Variants in NPAS3 observed in about 807,000 individuals in gnomAD.
The protein encoded by NPAS3 is neuronal PAS domain protein 3, also known as neuronal PAS domain-containing protein 3.
NPAS3 carries 14 observed loss-of-function variants against 73.1 expected under a neutral mutation model. The ratio of observed to expected loss-of-function variants is 0.19; its 90% CI spans 0.13 to 0.30. The LOEUF (loss-of-function observed/expected upper bound fraction) is 0.30. Ranked by LOEUF, NPAS3 falls within the 10% of genes least tolerant of loss-of-function variation. The pLI is 1.00. For synonymous variants in NPAS3, 620 were observed against 541.5 expected, an observed-to-expected ratio of 1.14 and a Z score of -2.01; for missense variants, 1,096 against 1,250.0, an observed-to-expected ratio of 0.88 and a Z score of 1.86.
At chr14:33,186,260 G>A (rs761486791) in intron 2 of NPAS3, among the ~76,000 whole-genome samples, 5 of 152,168 alleles carry the variant, frequency 3.3e-5, no homozygotes, top group Admixed American at 6.5e-5. Context: ...TTGTGCCTGT[G>A]CACTTGGAGA....
chr14:33,108,705 A>T (rs2042798015), intron 2 of NPAS3, among the ~76,000 whole-genome samples: 1 of 152,190 alleles, frequency 6.6e-6, no homozygotes. Context: ...TATGTGTAAT[A>T]GAGCATTAGA....
chr14:33,005,908 C>T (rs1055851801), intron 1 of NPAS3, among the ~76,000 whole-genome samples: 42 of 152,238 alleles, frequency 2.8e-4, no homozygotes, highest in African/African-American at 8.2e-4. Context: ...ATTATGACAA[C>T]GGTCCTTCCA....
intron 1 of NPAS3, among the ~76,000 whole-genome samples, chr14:32,949,294 T>C (rs938826237): frequency 6.6e-6 from 1 of 152,080 alleles, no homozygotes. Context: ...CTGTGTTCCT[T>C]TTAATAATTA....
chr14:33,037,716 T>A (rs929141756), intron 1 of NPAS3, among the ~76,000 whole-genome samples: 5 of 152,064 alleles, frequency 3.3e-5, no homozygotes, highest in African/African-American at 1.2e-4. Context: ...ATAACAAATG[T>A]TTTCATGAAA....
At chr14:33,303,380 A>G (rs932191597) in intron 3 of NPAS3, among the ~76,000 whole-genome samples, 2 of 152,132 alleles carry the variant, frequency 1.3e-5, no homozygotes, top group African/African-American at 4.8e-5. Context: ...GAAAATACTA[A>G]TATCAATTAT....
intron 1 of NPAS3, among the ~76,000 whole-genome samples, chr14:33,033,938 T>C (rs1449953890): frequency 2.6e-5 from 4 of 152,186 alleles, no homozygotes; most frequent in African/African-American, 9.6e-5. Context: ...TTTAATAATG[T>C]TTAGAGGTGT....
At chr14:33,545,639 C>G (rs561599689) in intron 4 of NPAS3, among the ~76,000 whole-genome samples, 1 of 152,272 alleles carries the variant, frequency 6.6e-6, no homozygotes, top group Admixed American at 6.5e-5. Flanking sequence ...GGAACTTGTT[C>G]AGCTCTGGCC....
chr14:33,802,427 T>A (rs995856815), downstream of NPAS3: 2 of 150,680 alleles, frequency 1.3e-5, no homozygotes, highest in African/African-American at 4.9e-5. Flanking sequence ...AAAAAAATCC[T>A]ATTTTGTCTT....
At chr14:33,676,481 T>C in intron 6 of NPAS3, 96 bp downstream of exon 6, 1 of 996,120 alleles carries the variant, frequency 1.0e-6, no homozygotes, top group Non-Finnish European at 1.4e-6. Flanking sequence ...TAAATAGGTC[T>C]AAGGGTATTT....
At chr14:33,163,629 T>TG (rs1218103811) in intron 2 of NPAS3, among the ~76,000 whole-genome samples, 87 of 149,816 alleles carry the variant, frequency 5.8e-4, no homozygotes, top group South Asian at 2.3e-3. Context: ...TGTTGTTTTT[T>TG]TTTTTTTTTT....
intron 3 of NPAS3, among the ~76,000 whole-genome samples, chr14:33,217,179 C>T (rs1050454036): frequency 1.3e-5 from 2 of 152,018 alleles, no homozygotes; most frequent in South Asian, 2.1e-4. Context: ...CTCGTGAGAA[C>T]TCACTATCAC....
chr14:33,554,124 G>A (rs1221383212), intron 4 of NPAS3, among the ~76,000 whole-genome samples: 2 of 152,152 alleles, frequency 1.3e-5, no homozygotes, highest in African/African-American at 4.8e-5. Context: ...ATGGCTCAAG[G>A]GCAGACCCAC....
chr14:33,763,584 A>C (rs1196598124), intron 7 of NPAS3, among the ~76,000 whole-genome samples: 1 of 152,204 alleles, frequency 6.6e-6, no homozygotes, highest in East Asian at 1.9e-4. Flanking sequence ...CCCAATGAAA[A>C]AATAGATGCT....
chr14:33,308,553 C>CACACACACACACATACAT (rs1195213186), intron 3 of NPAS3, among the ~76,000 whole-genome samples: 2 of 113,896 alleles, frequency 1.8e-5, no homozygotes, highest in African/African-American at 7.9e-5. Context: ...CACACACACA[C>CACACACACACACATACAT]ACATACATAC....
chr14:33,602,566 A>C (rs886810739), intron 5 of NPAS3, among the ~76,000 whole-genome samples: 1 of 152,216 alleles, frequency 6.6e-6, no homozygotes, highest in African/African-American at 2.4e-5. Context: ...GCGCTGCAGC[A>C]GAAGGGCCCA....
At chr14:33,315,211 A>C (rs2043160420) in intron 3 of NPAS3, among the ~76,000 whole-genome samples, 2 of 152,110 alleles carry the variant, frequency 1.3e-5, no homozygotes, top group African/African-American at 4.8e-5. Context: ...GCCAGCAAAC[A>C]AATGTTTATC....
chr14:33,255,040 A>G (rs1043186025), intron 3 of NPAS3, among the ~76,000 whole-genome samples: 1 of 152,094 alleles, frequency 6.6e-6, no homozygotes, highest in African/African-American at 2.4e-5. Context: ...TACGTTGGCC[A>G]GGAAAACTTG....
At chr14:33,391,187 C>CTT (rs370631048) in intron 4 of NPAS3, among the ~76,000 whole-genome samples, 1,389 of 109,638 alleles carry the variant, frequency 0.013, 26 homozygotes, top group Admixed American at 0.03. Flanking sequence ...TGGCCCATAT[C>CTT]TTTTTTTTTT....
intron 5 of NPAS3, among the ~76,000 whole-genome samples, chr14:33,604,319 G>GA (rs144478827): frequency 0.088 from 13,414 of 151,926 alleles, 941 homozygotes; most frequent in African/African-American, 0.19. Flanking sequence ...GTAAATATAT[G>GA]AAAAAAACTG....
Sources: gnomAD v4.1 joint callset for allele counts (sites outside exome capture counted in the v4.1 genomes callset) on GRCh38, gnomAD v4.1.1 for gene constraint, MANE v1.5 for transcripts, NCBI Gene and HGNC (gene_info 2026-07-23, HGNC 2026-07-21) for gene names.